The following TERF1 variants were observed in gnomAD, a reference collection of about 807,000 sequenced individuals.
The protein encoded by TERF1 is telomeric repeat-binding factor 1.
A neutral mutation model predicts 55.1 loss-of-function variants in TERF1; 20 were observed. That is an observed-to-expected ratio of 0.36 (90% CI 0.26 to 0.53). The LOEUF is 0.53. Ranked by LOEUF, TERF1 falls within the 20% of genes least tolerant of loss-of-function variation. The pLI is 0.91. For missense variants in TERF1, 439 were observed against 535.7 expected (o/e 0.82, Z 1.78); for synonymous variants, 168 against 181.2 (o/e 0.93, Z 0.59).
At chr8:73,043,479 A>G (rs1157465168) in intron 9 of TERF1, 1 of 152,198 alleles carries the variant, frequency 6.6e-6, no homozygotes, top group African/African-American at 2.4e-5. Flanking sequence ...AGCAAGATTT[A>G]TAATATATTT....
intron 6 of TERF1, 75 bp downstream of exon 6, chr8:73,027,127 T>G: frequency 9.6e-7 from 1 of 1,036,678 alleles, no homozygotes; most frequent in Non-Finnish European, 1.4e-6. Context: ...ATATGTCTTT[T>G]TATTAAAAAT....
rs773615990 is a variant in TERF1 at position 73,008,912 on chromosome 8, C to T, written c.26C>T (p.Ala9Val). The T allele has an allele frequency of 8.7e-6, 14 of 1,610,138 alleles. No homozygotes were observed. In the South Asian group the frequency reaches 1.1e-4, roughly 13 times the overall value. The change falls in exon 1 of 10, where the codon GCC becomes GTC. Residue 9 changes from alanine to valine, a missense_variant. This residue lies in a region of TERF1 where 179 missense variants were observed against 152.6 expected (regional missense o/e 1.17). Transcript: ENST00000276603. ...ATGGCGGAGGATGTTTCCTCAGCGG[C>T]CCCGAGCCCGCGGGGCTGTGCGGAT... is the stretch of plus-strand genomic sequence containing the variant. MAEDVSSA[A>V]PSPRGCADGR...
intron 7 of TERF1, chr8:73,031,683 A>T (rs555986472): frequency 4.4e-5 from 7 of 157,424 alleles, no homozygotes; most frequent in African/African-American, 1.4e-4. Flanking sequence ...TTGGGGAAAT[A>T]AAAGCCATAA....
intron 5 of TERF1, among the ~76,000 whole-genome samples, chr8:73,026,508 C>A (rs1265575704): frequency 6.6e-6 from 1 of 152,148 alleles, no homozygotes. Flanking sequence ...TCAAAACAAA[C>A]AACAATAAAA....
At position 73,047,217 on chromosome 8, in the gene TERF1, T is replaced by C. The variant is rs1810075203; in HGVS notation, c.*1080T>C. 1 of 152,134 alleles carries C rather than the reference T, an allele frequency of 6.6e-6. No individual in the cohort carries two copies. The highest frequency in any genetic ancestry group is 2.1e-4 in the South Asian group (1 of 4,818). The allele number at this position is 152,134 out of a possible 1,614,324, so 9.4% of individuals were successfully genotyped here. On this transcript the variant is annotated 3_prime_UTR_variant, in exon 10 of 10. Coordinates refer to ENST00000276603, the MANE Select transcript of TERF1 (RefSeq NM_017489.3). ...ATTTTTTTAAAAAAGAAAAAGACAA[T>C]AGTATTACCCATGGGACAAAATTTG...
chr8:73,013,614 A>C lies in TERF1; in HGVS notation c.320-281A>C, dbSNP rs56061379. On this transcript the variant is annotated intron_variant, in intron 1 of 9. Coordinates refer to ENST00000276603, the MANE Select transcript of TERF1 (RefSeq NM_017489.3). ...AAGTTTCCAACCAATGATTTTACAC[A>C]TTTTACAATTTGTATCTAAATCTTT... 9.1e-4 allele frequency: 246 copies of C among 270,244 alleles called. 1 individual carries two copies. Among genetic ancestry groups the C allele is most frequent in the African/African-American group, 5.2e-3 (231 of 44,066 alleles). The allele number at this position is 270,244 out of a possible 1,614,324, so 16.7% of individuals were successfully genotyped here. A position where few individuals can be genotyped will look rare whatever the true frequency, so the allele number is the denominator to read the frequency against.
At chr8:73,021,091 A>C (rs1808732356) in intron 3 of TERF1, among the ~76,000 whole-genome samples, 1 of 152,174 alleles carries the variant, frequency 6.6e-6, no homozygotes, top group Non-Finnish European at 1.5e-5. Flanking sequence ...ACTATTTTTA[A>C]TTAATGGTAA....
chr8:73,041,368 C>T (rs1323166460), intron 9 of TERF1, among the ~76,000 whole-genome samples: 2 of 152,054 alleles, frequency 1.3e-5, no homozygotes, highest in African/African-American at 2.4e-5. Context: ...ATCTGAGGGA[C>T]CTCTTTCAAC....
At chr8:73,027,870 C>T (rs1204347222) in intron 6 of TERF1, among the ~76,000 whole-genome samples, 4 of 152,162 alleles carry the variant, frequency 2.6e-5, no homozygotes, top group Admixed American at 2.0e-4. Flanking sequence ...GTTGGATCTA[C>T]ACTGCATTTG....
At chr8:73,032,708 C>T (rs1449272067) in intron 8 of TERF1, among the ~76,000 whole-genome samples, 1 of 152,060 alleles carries the variant, frequency 6.6e-6, no homozygotes, top group East Asian at 1.9e-4. Context: ...AGTTACTTTT[C>T]AGAAACATTA....
chr8:73,039,188 C>T lies in TERF1; in HGVS notation c.1112C>T (p.Thr371Ile). The change falls in exon 9 of 10, where the codon ACT becomes ATT. Residue 371 changes from threonine (T) to isoleucine (I), a missense_variant. Transcript: ENST00000276603. ...RIPVSKSQPV[T>I]PEKHRARKRQ... ...CCTGTTTCAAAGAGTCAGCCGGTAA[C>T]TCCTGAAAAACATCGAGCTAGAAAA... The T allele has an allele frequency of 1.2e-6, 2 of 1,604,992 alleles. No individual in the cohort carries two copies. Among genetic ancestry groups the T allele is most frequent in the Non-Finnish European group, 8.5e-7 (1 of 1,176,114 alleles).
intron 8 of TERF1, among the ~76,000 whole-genome samples, chr8:73,034,412 C>T (rs947512400): frequency 1.3e-5 from 2 of 150,814 alleles, no homozygotes; most frequent in Non-Finnish European, 3.0e-5. Flanking sequence ...GGATTACAGG[C>T]GTGAGCCACC....
chr8:73,037,190 A>T (rs1425565994), intron 8 of TERF1, among the ~76,000 whole-genome samples: 3 of 134,310 alleles, frequency 2.2e-5, no homozygotes, highest in Non-Finnish European at 3.1e-5. Flanking sequence ...ATATAATAAT[A>T]TATATTATAT....
At chr8:73,014,768 A>G (rs1409052665) in intron 2 of TERF1, among the ~76,000 whole-genome samples, 1 of 152,248 alleles carries the variant, frequency 6.6e-6, no homozygotes, top group African/African-American at 2.4e-5. Flanking sequence ...TATTAGCACC[A>G]CTGTCAAGGC....
intron 9 of TERF1, among the ~76,000 whole-genome samples, chr8:73,041,790 G>T (rs1809842205): frequency 2.0e-5 from 3 of 152,074 alleles, no homozygotes. Context: ...AGACCTGGGG[G>T]GGCTCCTGGA....
At chr8:73,015,485 T>C (rs919666982) in intron 2 of TERF1, among the ~76,000 whole-genome samples, 3 of 151,852 alleles carry the variant, frequency 2.0e-5, no homozygotes, top group African/African-American at 7.3e-5. Flanking sequence ...GAGGATCGCT[T>C]GAGCCTAAGA....
chr8:73,030,503 C>A, intron 7 of TERF1, 108 bp downstream of exon 7: 1 of 714,840 alleles, frequency 1.4e-6, no homozygotes, highest in South Asian at 3.0e-5. Flanking sequence ...GAAAGAATAT[C>A]TCAGGGTCCT....
chr8:73,008,907 A>T lies in TERF1; in HGVS notation c.21A>T (p.Ser7=). MAEDVS[S]AAPSPRGCAD... Reference sequence around the variant, plus strand: ...TTAACATGGCGGAGGATGTTTCCTCAGCGGCCCCGAGCCCGCGGGGCTGTG... The same window carrying T: ...TTAACATGGCGGAGGATGTTTCCTCTGCGGCCCCGAGCCCGCGGGGCTGTG... The change falls in exon 1 of 10, where the codon TCA becomes TCT. Residue 7 remains serine, a synonymous_variant. Coordinates refer to ENST00000276603, the MANE Select transcript of TERF1 (RefSeq NM_017489.3). The T allele has an allele frequency of 1.2e-6, 2 of 1,609,012 alleles. No homozygotes were observed. The highest frequency in any genetic ancestry group is 1.7e-6 in the Non-Finnish European group (2 of 1,178,090).
chr8:73,021,725 CA>C (rs1008550271), intron 3 of TERF1, among the ~76,000 whole-genome samples: 1 of 151,914 alleles, frequency 6.6e-6, no homozygotes, highest in Non-Finnish European at 1.5e-5. Context: ...TCTTACTTAC[CA>C]CGTTACCAAA....
Sources: allele counts gnomAD v4.1 joint callset (sites outside exome capture counted in the v4.1 genomes callset), GRCh38; gene constraint gnomAD v4.1.1; regional missense constraint gnomAD v4.1.1; transcripts MANE v1.5; gene names NCBI Gene and HGNC (gene_info 2026-07-23, HGNC 2026-07-21).